The following XXYLT1 variants were observed in gnomAD, a reference collection of about 807,000 sequenced individuals.
XXYLT1 encodes the protein xyloside xylosyltransferase 1.
XXYLT1 carries 20 observed loss-of-function variants against 28.9 expected under a neutral mutation model. That is an observed-to-expected ratio of 0.69 (90% CI 0.49 to 1.00). XXYLT1 has a LOEUF of 1.00. XXYLT1 is among the 50% of genes least tolerant of loss of function. The probability of loss-of-function intolerance (pLI) is 0.00; values close to 1 mark genes in which losing one functional copy is unlikely to be tolerated. For synonymous variants in XXYLT1, 257 were observed against 253.8 expected (o/e 1.01, Z -0.12); for missense variants, 542 against 560.1 (o/e 0.97, Z 0.33).
At chr3:195,207,063 A>C (rs1235472497) in intron 2 of XXYLT1, among the ~76,000 whole-genome samples, 1 of 152,182 alleles carries the variant, frequency 6.6e-6, no homozygotes, top group Non-Finnish European at 1.5e-5. Context: ...CAAGGCTTTA[A>C]CCTGGGTCTT....
chr3:195,246,189 A>T (rs1393127436), intron 1 of XXYLT1, among the ~76,000 whole-genome samples: 1 of 152,128 alleles, frequency 6.6e-6, no homozygotes, highest in Non-Finnish European at 1.5e-5. Flanking sequence ...TCAAAATCTC[A>T]ATTTGCTTTT....
At chr3:195,143,812 A>ATATATTTTTTTTTTTTTTTT (rs1719635756) in intron 3 of XXYLT1, among the ~76,000 whole-genome samples, 2 of 94,864 alleles carry the variant, frequency 2.1e-5, no homozygotes, top group South Asian at 4.4e-4. Flanking sequence ...ATAGATATAT[A>ATATATTTTTTTTTTTTTTTT]TAGATATAGA....
At chr3:195,141,377 C>A (rs1475586993) in intron 3 of XXYLT1, among the ~76,000 whole-genome samples, 2 of 152,192 alleles carry the variant, frequency 1.3e-5, no homozygotes, top group African/African-American at 4.8e-5. Context: ...TAGTTTGCTA[C>A]GTGAGTGTCA....
At chr3:195,155,650 C>A (rs1234598343) in intron 3 of XXYLT1, among the ~76,000 whole-genome samples, 3 of 149,238 alleles carry the variant, frequency 2.0e-5, no homozygotes, top group Non-Finnish European at 3.0e-5. Flanking sequence ...AGCCAACCCA[C>A]CCCCACGCCC....
chr3:195,269,359 G>C (rs1234965626), intron 1 of XXYLT1, among the ~76,000 whole-genome samples: 2 of 152,210 alleles, frequency 1.3e-5, no homozygotes, highest in Non-Finnish European at 2.9e-5. Flanking sequence ...AGGACCTTCA[G>C]AGGTCCCAGG....
Position 195,076,022 on chromosome 3 carries a change from C to A in XXYLT1, c.786-5911G>T, listed in dbSNP as rs1715093725. On this transcript the variant is annotated intron_variant, in intron 3 of 3. Coordinates refer to ENST00000310380, the MANE Select transcript of XXYLT1 (RefSeq NM_152531.5). This position sits in a 1 kb window ranked among gnomAD's most constrained non-coding sequence, Gnocchi z 5.3. ...GGGCTTCCCCTCCAGGCCCTCCCTC[C>A]AACATGAGCCACAGCTCCTCCCCTC... Among the ~76,000 whole-genome samples the A allele has an allele frequency of 6.6e-6, 1 of 152,180 alleles. No individual in the cohort carries two copies. The highest frequency in any genetic ancestry group is 2.4e-5 in the African/African-American group (1 of 41,444).
chr3:195,243,490 C>T (rs537863803), intron 1 of XXYLT1, among the ~76,000 whole-genome samples: 9 of 151,376 alleles, frequency 5.9e-5, no homozygotes, highest in African/African-American at 1.2e-4. Context: ...AATAGCCATG[C>T]CCGAATCTAA....
intron 1 of XXYLT1, among the ~76,000 whole-genome samples, chr3:195,252,725 C>G (rs61030585): frequency 0.1 from 12,662 of 126,334 alleles, 1,285 homozygotes; most frequent in African/African-American, 0.3. Context: ...CACACACACA[C>G]ACAGAGAGAG....
chr3:195,107,563 AG>A (rs1717195808), intron 3 of XXYLT1, among the ~76,000 whole-genome samples: 6 of 2,084 alleles, frequency 2.9e-3, no homozygotes, highest in East Asian at 4.2e-3. Context: ...GAAGAGGGGG[AG>A]AGGAGGAGGG....
chr3:195,110,874 G>A (rs867899197), intron 3 of XXYLT1, among the ~76,000 whole-genome samples: 1 of 54,000 alleles, frequency 1.9e-5, no homozygotes, highest in Non-Finnish European at 4.6e-5. Flanking sequence ...TGTGTGGTGT[G>A]TGGTGTATGT....
chr3:195,113,875 A>G (rs1038534827), intron 3 of XXYLT1, among the ~76,000 whole-genome samples: 1 of 152,164 alleles, frequency 6.6e-6, no homozygotes, highest in African/African-American at 2.4e-5. Flanking sequence ...AATGCTATGA[A>G]GAAGGGGTGT....
In XXYLT1 at chr3:195,078,537, C is replaced by T. The variant is rs565302004; in HGVS notation, c.786-8426G>A. On this transcript the variant is annotated intron_variant, in intron 3 of 3. Transcript: ENST00000310380. This position sits in a 1 kb window ranked among gnomAD's most constrained non-coding sequence, Gnocchi z 5.0. ...CAAGTTCCCTCCAGCCTACCTCCCC[C>T]TCTTCCTCATCCCCATCCAAGCTGG... is the stretch of plus-strand genomic sequence containing the variant. Among the ~76,000 whole-genome samples the T allele has an allele frequency of 1.3e-5, 2 of 152,138 alleles. No homozygotes were observed. The highest frequency in any genetic ancestry group is 2.9e-5 in the Non-Finnish European group (2 of 68,010).
intron 1 of XXYLT1, among the ~76,000 whole-genome samples, chr3:195,261,057 G>A (rs1725682436): frequency 6.6e-6 from 1 of 152,228 alleles, no homozygotes; most frequent in Non-Finnish European, 1.5e-5. Flanking sequence ...TAAGCCACCT[G>A]CTCTCAGCCT....
At chr3:195,111,326 C>A (rs372913112) in intron 3 of XXYLT1, among the ~76,000 whole-genome samples, 3 of 152,148 alleles carry the variant, frequency 2.0e-5, no homozygotes, top group African/African-American at 7.2e-5. Context: ...CTGCAACGAC[C>A]CTATTCCAAA....
rs191245110 is a variant in XXYLT1 at position 195,104,581 on chromosome 3, C to T, written c.786-34470G>A. Among the ~76,000 whole-genome samples the T allele has an allele frequency of 2.1e-3, 319 of 152,166 alleles. 1 individual carries two copies. Among genetic ancestry groups the T allele is most frequent in the Non-Finnish European group, 3.5e-3 (239 of 68,008 alleles). On this transcript the variant is annotated intron_variant, in intron 3 of 3. Transcript: ENST00000310380. ...CTCCCAGAGAGCAAGGCAGTGGGGACGAGGCGGGGACCCGGGAGATCCAGA... is the reference window on the plus strand; with the variant it reads ...CTCCCAGAGAGCAAGGCAGTGGGGATGAGGCGGGGACCCGGGAGATCCAGA...
chr3:195,199,612 A>G (rs1393783350), intron 2 of XXYLT1, among the ~76,000 whole-genome samples: 1 of 152,066 alleles, frequency 6.6e-6, no homozygotes, highest in African/African-American at 2.4e-5. Context: ...CTCGGTCTCA[A>G]AAGAAAAAAA....
rs184954319 is a variant in XXYLT1, at chr3:195,097,045, G to A, written c.786-26934C>T. On this transcript the variant is annotated intron_variant, in intron 3 of 3. Transcript: ENST00000310380. Reference sequence around the variant, plus strand: ...TTCCCGCCCAGCAGACCCCTCAGACGGGCTCCCCTGGCGTCCCTCTGCTGG... The same window carrying A: ...TTCCCGCCCAGCAGACCCCTCAGACAGGCTCCCCTGGCGTCCCTCTGCTGG... 2.0e-4 allele frequency among the ~76,000 whole-genome samples: 31 copies of A among 152,312 alleles called. 1 individual carries two copies. The highest frequency in any genetic ancestry group is 1.4e-3 in the Admixed American group (22 of 15,292).
intron 1 of XXYLT1, among the ~76,000 whole-genome samples, chr3:195,231,978 T>C (rs1354102013): frequency 6.6e-6 from 1 of 152,128 alleles, no homozygotes; most frequent in African/African-American, 2.4e-5. Flanking sequence ...TTACTTCTTC[T>C]TTAAATGGTA....
chr3:195,262,982 A>G (rs575854522), intron 1 of XXYLT1, among the ~76,000 whole-genome samples: 1 of 151,322 alleles, frequency 6.6e-6, no homozygotes, highest in Admixed American at 6.6e-5. Flanking sequence ...CCTCTTTTCC[A>G]GACCATCATC....
Sources: gnomAD v4.1 joint callset for allele counts (sites outside exome capture counted in the v4.1 genomes callset) on GRCh38, gnomAD v4.1.1 for gene constraint, Gnocchi (gnomAD v3.1) non-coding constraint, MANE v1.5 for transcripts, NCBI Gene and HGNC (gene_info 2026-07-23, HGNC 2026-07-21) for gene names.